The following UBE2W variants were observed in gnomAD, a reference collection of about 807,000 sequenced individuals.
The protein encoded by UBE2W is ubiquitin conjugating enzyme E2 W, also known as ubiquitin-conjugating enzyme E2 W.
In UBE2W, 18 loss-of-function variants were observed where a neutral mutation model predicts 27.2. That is an observed-to-expected ratio of 0.66 (90% CI 0.46 to 0.98). UBE2W has a LOEUF of 0.98. Ranked by LOEUF, UBE2W falls within the 50% of genes least tolerant of loss-of-function variation. The probability of loss-of-function intolerance (pLI) is 0.00; values close to 1 mark genes in which losing one functional copy is unlikely to be tolerated. For missense variants in UBE2W, 90 were observed against 180.2 expected (o/e 0.50, Z 2.87); for synonymous variants, 53 against 57.2 (o/e 0.93, Z 0.33).
At chr8:73,836,067 G>A (rs1016828735) in intron 1 of UBE2W, among the ~76,000 whole-genome samples, 17 of 152,016 alleles carry the variant, frequency 1.1e-4, no homozygotes, top group African/African-American at 3.9e-4. Context: ...GTTTTAAATC[G>A]CTAAGTTTAA....
At chr8:73,861,298 T>TA (rs1177723666) in intron 1 of UBE2W, among the ~76,000 whole-genome samples, 3 of 152,176 alleles carry the variant, frequency 2.0e-5, no homozygotes, top group Non-Finnish European at 4.4e-5. Context: ...TCAAGAATTT[T>TA]AGTGAACTGA....
At chr8:73,817,881 T>C (rs1260360748) in intron 3 of UBE2W, among the ~76,000 whole-genome samples, 3 of 152,184 alleles carry the variant, frequency 2.0e-5, no homozygotes, top group East Asian at 3.8e-4. Flanking sequence ...GTCAAACTTC[T>C]TTCACACTGC....
intron 5 of UBE2W, among the ~76,000 whole-genome samples, chr8:73,802,075 A>C (rs1182876297): frequency 6.6e-6 from 1 of 152,242 alleles, no homozygotes; most frequent in African/African-American, 2.4e-5. Flanking sequence ...AATATTTCAT[A>C]AATAAAACTT....
At chr8:73,810,886 TAAA>T (rs1563582830) in intron 3 of UBE2W, among the ~76,000 whole-genome samples, 1 of 152,190 alleles carries the variant, frequency 6.6e-6, no homozygotes, top group Non-Finnish European at 1.5e-5. Context: ...AAATTCTCCT[TAAA>T]AATTCTAAAC....
chr8:73,850,449 C>T (rs1811024527), intron 1 of UBE2W, among the ~76,000 whole-genome samples: 1 of 152,010 alleles, frequency 6.6e-6, no homozygotes, highest in African/African-American at 2.4e-5. Flanking sequence ...CTGTTCATAA[C>T]ATGTTAGGAG....
At chr8:73,781,926 CTCCTTTT>C (rs1432077682), downstream of UBE2W, among the ~76,000 whole-genome samples, 515 of 128,564 alleles carry the variant, frequency 4.0e-3, 4 homozygotes, top group African/African-American at 0.014. Context: ...TACTAAAAGC[CTCCTTTT>C]TTTTTTTTTT....
At chr8:73,839,730 T>C (rs532437626) in intron 1 of UBE2W, among the ~76,000 whole-genome samples, 3 of 148,772 alleles carry the variant, frequency 2.0e-5, no homozygotes, top group South Asian at 2.1e-4. Context: ...TTTTTGGTTT[T>C]TTTTTTTTTT....
At chr8:73,796,392 T>C (rs1808422467) in intron 5 of UBE2W, among the ~76,000 whole-genome samples, 3 of 152,210 alleles carry the variant, frequency 2.0e-5, no homozygotes, top group Non-Finnish European at 2.9e-5. Flanking sequence ...CATAATGTTA[T>C]CCAGTTAACT....
intron 3 of UBE2W, among the ~76,000 whole-genome samples, chr8:73,814,766 C>T (rs974849439): frequency 8.9e-4 from 136 of 152,172 alleles, no homozygotes; most frequent in African/African-American, 6.3e-4. Flanking sequence ...GTGATCCGCC[C>T]GCCTCGGCTT....
intron 1 of UBE2W, among the ~76,000 whole-genome samples, chr8:73,853,434 A>AT (rs199819537): frequency 6.6e-6 from 1 of 152,064 alleles, no homozygotes; most frequent in Non-Finnish European, 1.5e-5. Flanking sequence ...CAGCTAGTTT[A>AT]TTTTTTATAG....
intron 3 of UBE2W, among the ~76,000 whole-genome samples, chr8:73,814,724 G>A (rs1809316862): frequency 6.6e-6 from 1 of 152,116 alleles, no homozygotes; most frequent in Non-Finnish European, 1.5e-5. Context: ...TTTACTATAT[G>A]TTGGCCAGAC....
At chr8:73,842,493 C>T (rs1810579036) in intron 1 of UBE2W, among the ~76,000 whole-genome samples, 1 of 125,638 alleles carries the variant, frequency 8.0e-6, no homozygotes, top group Non-Finnish European at 1.6e-5. Context: ...GGTGCCACTG[C>T]ACTCCAGCCT....
chr8:73,817,959 C>T (rs77321494), intron 3 of UBE2W, among the ~76,000 whole-genome samples: 1 of 152,144 alleles, frequency 6.6e-6, no homozygotes, highest in Admixed American at 6.5e-5. Context: ...CCCCATGTAT[C>T]GACACATAAA....
intron 1 of UBE2W, among the ~76,000 whole-genome samples, chr8:73,878,144 G>C (rs1013602277): frequency 2.0e-5 from 3 of 152,228 alleles, no homozygotes; most frequent in Non-Finnish European, 4.4e-5. Flanking sequence ...CGGTGGACAC[G>C]GGGCAGCTTC....
At chr8:73,868,877 A>G (rs1261684161) in intron 1 of UBE2W, among the ~76,000 whole-genome samples, 1 of 152,228 alleles carries the variant, frequency 6.6e-6, no homozygotes, top group Non-Finnish European at 1.5e-5. Context: ...CATGCAAGGT[A>G]TATTAACAAA....
At chr8:73,827,687 G>A (rs1299866563) in intron 2 of UBE2W, among the ~76,000 whole-genome samples, 1 of 151,934 alleles carries the variant, frequency 6.6e-6, no homozygotes, top group Non-Finnish European at 1.5e-5. Flanking sequence ...ACACCACCAT[G>A]CCCAGCCAAC....
chr8:73,801,969 T>C (rs1420844239), intron 5 of UBE2W, among the ~76,000 whole-genome samples: 1 of 152,208 alleles, frequency 6.6e-6, no homozygotes, highest in Non-Finnish European at 1.5e-5. Context: ...AGAGGAGTTG[T>C]GTGTGTAGTA....
chr8:73,858,592 T>C (rs1811401404), intron 1 of UBE2W, among the ~76,000 whole-genome samples: 1 of 151,210 alleles, frequency 6.6e-6, no homozygotes, highest in Non-Finnish European at 1.5e-5. Flanking sequence ...TCATGAAGAT[T>C]TAAAATAATT....
rs529238613 is a variant in UBE2W, at chr8:73,869,046, A to C, written c.15+9762T>G. On this transcript the variant is annotated intron_variant, in intron 1 of 5. Transcript: ENST00000602593. ...ATATTTAAATAACTGGTGAATGGATAAACTGCAGTACAACCAAAAAATGGG... is the reference window on the plus strand; with the variant it reads ...ATATTTAAATAACTGGTGAATGGATCAACTGCAGTACAACCAAAAAATGGG... Among the ~76,000 whole-genome samples, 14 of 152,362 alleles carry C rather than the reference A, an allele frequency of 9.2e-5. No homozygotes were observed. In the South Asian group the frequency reaches 2.7e-3, roughly 29 times the overall value.
Sources: allele counts gnomAD v4.1 joint callset (sites outside exome capture counted in the v4.1 genomes callset), GRCh38; gene constraint gnomAD v4.1.1; transcripts MANE v1.5; gene names NCBI Gene and HGNC (gene_info 2026-07-23, HGNC 2026-07-21).